Variants in PDE10A observed in about 807,000 individuals in gnomAD.
PDE10A encodes the protein phosphodiesterase 10A, also known as cAMP and cAMP-inhibited cGMP 3',5'-cyclic phosphodiesterase 10A.
A neutral mutation model predicts 97.7 loss-of-function variants in PDE10A; 39 were observed. The ratio of observed to expected loss-of-function variants is 0.40; its 90% CI spans 0.31 to 0.52. The LOEUF is 0.52. Ranked by LOEUF, PDE10A falls within the 20% of genes least tolerant of loss-of-function variation. The pLI is 0.56. For synonymous variants in PDE10A, 371 were observed against 376.8 expected, an observed-to-expected ratio of 0.98 and a Z score of 0.18; for missense variants, 731 against 1,047.8, an observed-to-expected ratio of 0.70 and a Z score of 4.17.
chr6:165,573,962 T>C (rs574590788), intron 1 of PDE10A, among the ~76,000 whole-genome samples: 1 of 152,358 alleles, frequency 6.6e-6, no homozygotes, highest in Non-Finnish European at 1.5e-5. Flanking sequence ...TATCAGCTTA[T>C]AGTGCCTGGC....
intron 1 of PDE10A, among the ~76,000 whole-genome samples, chr6:165,955,578 C>A (rs779729738): frequency 5.9e-5 from 9 of 152,152 alleles, no homozygotes; most frequent in Non-Finnish European, 1.2e-4. Context: ...CCCACCATTT[C>A]AATTCAGGAA....
At chr6:165,693,650 A>G (rs1330725969) in intron 1 of PDE10A, among the ~76,000 whole-genome samples, 1 of 152,056 alleles carries the variant, frequency 6.6e-6, no homozygotes, top group Non-Finnish European at 1.5e-5. Flanking sequence ...TAAAACCTAC[A>G]ACTATTGTTT....
chr6:165,732,967 G>A (rs1416312603), intron 1 of PDE10A, among the ~76,000 whole-genome samples: 3 of 152,226 alleles, frequency 2.0e-5, no homozygotes, highest in African/African-American at 4.8e-5. Flanking sequence ...TCAGGTCCCT[G>A]GTTCCTAGTG....
intron 1 of PDE10A, among the ~76,000 whole-genome samples, chr6:165,839,917 CCAACCT>C (rs1780191981): frequency 3.5e-5 from 1 of 28,906 alleles, no homozygotes; most frequent in African/African-American, 1.1e-4. Flanking sequence ...AACTCCATCC[CCAACCT>C]CATCTCCATT....
intron 10 of PDE10A, among the ~76,000 whole-genome samples, chr6:165,427,817 CAAG>C (rs1329773627): frequency 1.3e-5 from 2 of 152,012 alleles, no homozygotes; most frequent in African/African-American, 4.8e-5. Flanking sequence ...TGTTTCATAA[CAAG>C]AGAAGTTATT....
intron 1 of PDE10A, chr6:165,660,614 G>C (rs1219614150): frequency 6.6e-6 from 1 of 152,530 alleles, no homozygotes; most frequent in East Asian, 1.9e-4. Flanking sequence ...GGTGAGCCCG[G>C]AGCAGCTTCG....
intron 1 of PDE10A, among the ~76,000 whole-genome samples, chr6:165,730,736 G>GTGAGACTCCGTCTCAAAAACAAAAAGCA (rs1792411613): frequency 7.6e-6 from 1 of 132,290 alleles, no homozygotes; most frequent in African/African-American, 3.1e-5. Context: ...CTGGGCGACA[G>GTGAGACTCCGTCTCAAAAACAAAAAGCA]AGTGAGATTC....
In PDE10A at chr6:165,524,930, C is replaced by G. The variant is rs113676962; in HGVS notation, c.994+18510G>C. ...TGCCAGAAGAAACAGCTTCCCCATC[C>G]CCAGTGGTGGCAACATCCCCTCCCT... On this transcript the variant is annotated intron_variant, in intron 2 of 21. Transcript: ENST00000539869. 5.8e-4 allele frequency among the ~76,000 whole-genome samples: 89 copies of G among 152,218 alleles called. 1 individual carries two copies. The highest frequency in any genetic ancestry group is 2.1e-3 in the African/African-American group (86 of 41,524).
At chr6:165,986,928 T>TC (rs1466494631) in intron 1 of PDE10A, among the ~76,000 whole-genome samples, 12 of 151,346 alleles carry the variant, frequency 7.9e-5, no homozygotes, top group Non-Finnish European at 8.8e-5. Context: ...CCGGACCCCC[T>TC]CCTCCCCTAT....
intron 9 of PDE10A, among the ~76,000 whole-genome samples, chr6:165,429,257 C>T (rs769717038): frequency 3.4e-4 from 51 of 151,896 alleles, no homozygotes; most frequent in African/African-American, 1.1e-3. Context: ...TTATGAACAG[C>T]GAGTAAATGT....
chr6:165,794,476 ACACT>A (rs1778771313), intron 1 of PDE10A, among the ~76,000 whole-genome samples: 1 of 151,318 alleles, frequency 6.6e-6, no homozygotes, highest in Middle Eastern at 3.2e-3. Context: ...ATGCACGCAC[ACACT>A]CATTACACAC....
intron 1 of PDE10A, among the ~76,000 whole-genome samples, chr6:165,675,418 C>T (rs1263963083): frequency 6.6e-6 from 1 of 152,062 alleles, no homozygotes; most frequent in Non-Finnish European, 1.5e-5. Context: ...ATATTTTTCT[C>T]TAAGTATATT....
chr6:165,715,170 G>A lies in PDE10A; in HGVS notation c.-614-171602C>T, dbSNP rs562768390. ...CGGCCGGCGCTGCTTACACTCATGC[G>A]GGCTGTGCACCCAGACGGGCCTGCG... On this transcript the variant is annotated intron_variant, in intron 1 of 19. Coordinates refer to the PDE10A transcript ENST00000366882. Among the ~76,000 whole-genome samples, 18 of 152,346 alleles carry A rather than the reference G, an allele frequency of 1.2e-4. No homozygotes were observed. In the East Asian group the frequency reaches 2.3e-3, roughly 20 times the overall value.
chr6:165,518,656 G>A (rs1012519201), intron 2 of PDE10A, among the ~76,000 whole-genome samples: 1 of 152,186 alleles, frequency 6.6e-6, no homozygotes, highest in Non-Finnish European at 1.5e-5. Flanking sequence ...TAAGTGAAAT[G>A]GTGAAAGTTC....
chr6:165,669,183 A>G (rs1214974633), intron 1 of PDE10A, among the ~76,000 whole-genome samples: 4 of 152,212 alleles, frequency 2.6e-5, no homozygotes. Context: ...AAAATAACTC[A>G]CAGAAGCCAA....
At chr6:165,983,190 C>G (rs1168316680) in intron 1 of PDE10A, among the ~76,000 whole-genome samples, 1 of 152,176 alleles carries the variant, frequency 6.6e-6, no homozygotes. Flanking sequence ...TTAAATTAAG[C>G]AGGCCGGATC....
At chr6:165,466,732 T>C (rs1281983484) in intron 3 of PDE10A, among the ~76,000 whole-genome samples, 1 of 152,108 alleles carries the variant, frequency 6.6e-6, no homozygotes, top group Non-Finnish European at 1.5e-5. Flanking sequence ...ACCTCCCTAA[T>C]CCTGAGACAA....
rs760962725 is a variant in PDE10A, at chr6:165,831,371, CAAAAAAAAAA to C, written c.-615+156148_-615+156157del. 4.6e-3 allele frequency among the ~76,000 whole-genome samples: 208 copies of C among 44,828 alleles called. 1 individual carries two copies. Among genetic ancestry groups the C allele is most frequent in the African/African-American group, 0.017 (191 of 11,196 alleles). The allele number at this position is 44,828 out of a possible 152,430, so 29.4% of individuals were successfully genotyped here. ...TGGGCGAGAGAGCGAGACTCTGTCTCAAAAAAAAAAAAAAAAAAAAAAAAAGGATTGCCCA... is the reference window on the plus strand; with the variant it reads ...TGGGCGAGAGAGCGAGACTCTGTCTCAAAAAAAAAAAAAAAGGATTGCCCA... On this transcript the variant is annotated intron_variant, in intron 1 of 19. Coordinates refer to the PDE10A transcript ENST00000366882.
At chr6:165,586,456 T>C (rs1358768559) in intron 1 of PDE10A, among the ~76,000 whole-genome samples, 1 of 152,192 alleles carries the variant, frequency 6.6e-6, no homozygotes, top group African/African-American at 2.4e-5. Flanking sequence ...AATATTTCCT[T>C]TCCCATTTTG....
Sources: gnomAD v4.1 joint callset for allele counts (sites outside exome capture counted in the v4.1 genomes callset) on GRCh38, gnomAD v4.1.1 for gene constraint, MANE v1.5 for transcripts, NCBI Gene and HGNC (gene_info 2026-07-23, HGNC 2026-07-21) for gene names.